Variants in AGBL4 observed in about 807,000 individuals in gnomAD.
AGBL4 encodes the protein cytosolic carboxypeptidase 6.
In AGBL4, 58 loss-of-function variants were observed where a neutral mutation model predicts 66.4. That is an observed-to-expected ratio of 0.87 (90% confidence interval 0.71 to 1.09). AGBL4 has a LOEUF of 1.09. AGBL4 is among the 50% of genes least tolerant of loss of function. The pLI, the probability that AGBL4 is intolerant of heterozygous loss-of-function variation, is 0.00. For missense variants in AGBL4, 579 were observed against 631.0 expected (o/e 0.92, Z 0.88); for synonymous variants, 234 against 222.9 (o/e 1.05, Z -0.44).
chr1:49,624,002 A>AGAGTGTGTGT (rs1553237982), intron 3 of AGBL4, among the ~76,000 whole-genome samples: 1 of 149,346 alleles, frequency 6.7e-6, no homozygotes, highest in African/African-American at 2.5e-5. Flanking sequence ...GATGAGAGAG[A>AGAGTGTGTGT]GTGTGTGTGT....
At chr1:49,513,193 C>T (rs1649436781) in intron 3 of AGBL4, among the ~76,000 whole-genome samples, 1 of 151,998 alleles carries the variant, frequency 6.6e-6, no homozygotes, top group South Asian at 2.1e-4. Flanking sequence ...AATACCATGC[C>T]AGAATGAATA....
At chr1:49,656,872 T>C (rs1400223372) in intron 3 of AGBL4, among the ~76,000 whole-genome samples, 1 of 152,158 alleles carries the variant, frequency 6.6e-6, no homozygotes, top group Non-Finnish European at 1.5e-5. Flanking sequence ...TAATAAGAGC[T>C]ACTTATGACA....
At chr1:48,832,251 C>T (rs1558025912) in intron 6 of AGBL4, among the ~76,000 whole-genome samples, 1 of 152,172 alleles carries the variant, frequency 6.6e-6, no homozygotes, top group Non-Finnish European at 1.5e-5. Context: ...CTGGCACTTA[C>T]ATAAGGAGAT....
At chr1:48,767,837 T>C (rs188312445) in intron 6 of AGBL4, among the ~76,000 whole-genome samples, 2 of 152,298 alleles carry the variant, frequency 1.3e-5, no homozygotes, top group African/African-American at 4.8e-5. Flanking sequence ...CACCAAAGAT[T>C]TGGGCATTAT....
At chr1:49,983,347 C>G (rs188555232) in intron 1 of AGBL4, among the ~76,000 whole-genome samples, 1 of 152,238 alleles carries the variant, frequency 6.6e-6, no homozygotes, top group Non-Finnish European at 1.5e-5. Flanking sequence ...TTGTGGTACA[C>G]CTAATCCAGC....
At chr1:48,544,203 T>C (rs1195667868) in intron 11 of AGBL4, among the ~76,000 whole-genome samples, 1 of 152,200 alleles carries the variant, frequency 6.6e-6, no homozygotes, top group Admixed American at 6.5e-5. Context: ...CAAGCTGGCA[T>C]TGGGCATGAC....
intron 2 of AGBL4, among the ~76,000 whole-genome samples, chr1:49,832,990 T>C (rs1045798169): frequency 6.6e-6 from 1 of 151,956 alleles, no homozygotes; most frequent in Non-Finnish European, 1.5e-5. Context: ...AGAAGCTCTT[T>C]AGTTTAATTA....
chr1:49,880,066 AT>A (rs757004291), intron 1 of AGBL4, among the ~76,000 whole-genome samples: 2,679 of 151,340 alleles, frequency 0.018, 47 homozygotes, highest in Non-Finnish European at 0.027. Flanking sequence ...ATTCCTCTAA[AT>A]TTTTTTCAAA....
chr1:49,862,758 GA>G (rs1327703173), intron 1 of AGBL4, among the ~76,000 whole-genome samples: 4 of 152,040 alleles, frequency 2.6e-5, no homozygotes, highest in Non-Finnish European at 5.9e-5. Flanking sequence ...AGGGCTGAAA[GA>G]AAAAAGCTTT....
chr1:48,996,435 T>C (rs1660997316), intron 5 of AGBL4, among the ~76,000 whole-genome samples: 1 of 152,146 alleles, frequency 6.6e-6, no homozygotes, highest in African/African-American at 2.4e-5. Flanking sequence ...GAAGAATACA[T>C]CAAACGATCC....
At chr1:49,146,508 A>C (rs1646221051) in intron 4 of AGBL4, among the ~76,000 whole-genome samples, 1 of 152,222 alleles carries the variant, frequency 6.6e-6, no homozygotes, top group Non-Finnish European at 1.5e-5. Flanking sequence ...AACTCTAATG[A>C]ATGAGTGAGG....
intron 6 of AGBL4, among the ~76,000 whole-genome samples, chr1:48,847,520 C>A (rs920278962): frequency 1.5e-4 from 23 of 151,962 alleles, no homozygotes; most frequent in Non-Finnish European, 2.2e-4. Context: ...TTCTTCTTCT[C>A]TAAAATAGGA....
intron 4 of AGBL4, among the ~76,000 whole-genome samples, chr1:49,086,181 T>C (rs558284691): frequency 6.6e-6 from 1 of 152,224 alleles, no homozygotes; most frequent in South Asian, 2.1e-4. Flanking sequence ...AGCCCACTGG[T>C]CCTACTTCTA....
chr1:49,525,029 C>A (rs147140760), intron 3 of AGBL4, among the ~76,000 whole-genome samples: 1 of 152,048 alleles, frequency 6.6e-6, no homozygotes, highest in African/African-American at 2.4e-5. Context: ...TCTGTTTTCC[C>A]TTCTACAAAA....
At chr1:49,875,624 C>T (rs1646978424) in intron 1 of AGBL4, among the ~76,000 whole-genome samples, 2 of 149,192 alleles carry the variant, frequency 1.3e-5, no homozygotes, top group Admixed American at 6.7e-5. Flanking sequence ...CATACGTGTA[C>T]ATGTGTCTTT....
intron 2 of AGBL4, among the ~76,000 whole-genome samples, chr1:49,762,165 T>A (rs1382648667): frequency 6.6e-6 from 1 of 152,218 alleles, no homozygotes; most frequent in African/African-American, 2.4e-5. Context: ...CAGATTTACA[T>A]AGTGGCTGTA....
At chr1:49,381,893 G>T (rs1034049413) in intron 3 of AGBL4, among the ~76,000 whole-genome samples, 4 of 151,816 alleles carry the variant, frequency 2.6e-5, no homozygotes, top group African/African-American at 9.7e-5. Flanking sequence ...TATACCTAAT[G>T]CTAAATGACG....
In AGBL4 at chr1:49,126,294, C is replaced by T. The variant is rs182195502; in HGVS notation, c.378-80494G>A. Among the ~76,000 whole-genome samples the T allele has an allele frequency of 2.5e-4, 38 of 152,234 alleles. 1 individual carries two copies. The East Asian group carries it at 7.4e-3, about 29-fold the overall frequency. ...TTTAACTAACTTGCCCAGGCTGCTG[C>T]TTAGAAAATAGAGAAAATTGCCAAG... On this transcript the variant is annotated intron_variant, in intron 4 of 13. Coordinates refer to ENST00000371839, the MANE Select transcript of AGBL4 (RefSeq NM_032785.4).
intron 6 of AGBL4, among the ~76,000 whole-genome samples, chr1:48,760,561 C>A (rs1644204218): frequency 1.3e-5 from 2 of 152,132 alleles, no homozygotes; most frequent in African/African-American, 2.4e-5. Flanking sequence ...TAATGTGAGA[C>A]CCCTGGAGGC....
Sources: allele counts gnomAD v4.1 joint callset (sites outside exome capture counted in the v4.1 genomes callset), GRCh38; gene constraint gnomAD v4.1.1; transcripts MANE v1.5; gene names NCBI Gene and HGNC (gene_info 2026-07-23, HGNC 2026-07-21).